TCERG1L: variants seen among roughly 807,000 people sequenced by gnomAD.
The protein encoded by TCERG1L is transcription elongation regulator 1 like.
Under a neutral mutation model 56.3 loss-of-function variants are expected in TCERG1L, and 37 were observed. The ratio of observed to expected loss-of-function variants is 0.66; its 90% CI spans 0.51 to 0.87. TCERG1L has a LOEUF of 0.87. Among genes scored for constraint, TCERG1L ranks in the 40% least tolerant of loss-of-function variants. TCERG1L has a pLI of 0.00. For missense variants in TCERG1L, 799 were observed against 774.2 expected (o/e 1.03, Z -0.38); for synonymous variants, 324 against 326.3 (o/e 0.99, Z 0.08).
At chr10:131,109,713 C>T (rs1845391825) in intron 9 of TCERG1L, among the ~76,000 whole-genome samples, 1 of 152,150 alleles carries the variant, frequency 6.6e-6, no homozygotes, top group African/African-American at 2.4e-5. Context: ...TGGAGTTGTG[C>T]CCTTTCTTCC....
Position 131,092,727 on chromosome 10 carries a change from A to G in TCERG1L, c.*435T>C, listed in dbSNP as rs1423379647. The G allele has an allele frequency of 6.4e-6, 1 of 156,492 alleles. No homozygotes were observed. The highest frequency in any genetic ancestry group is 2.4e-5 in the African/African-American group (1 of 41,488). 9.7% of individuals were successfully genotyped at this position (156,492 alleles called of 1,614,324 possible). ...AAACGAGACTGAGACCTAGGGACAGAGTAAGGAATTCCTCAACACTGCGGG... is the reference window on the plus strand; with the variant it reads ...AAACGAGACTGAGACCTAGGGACAGGGTAAGGAATTCCTCAACACTGCGGG... On this transcript the variant is annotated 3_prime_UTR_variant, in exon 12 of 12. Coordinates refer to ENST00000368642, the MANE Select transcript of TCERG1L (RefSeq NM_174937.4).
At chr10:131,159,294 A>G (rs1360496781) in intron 6 of TCERG1L, among the ~76,000 whole-genome samples, 1 of 152,112 alleles carries the variant, frequency 6.6e-6, no homozygotes, top group African/African-American at 2.4e-5. Context: ...TGAGATGAAG[A>G]CCAAGGAGGT....
intron 3 of TCERG1L, among the ~76,000 whole-genome samples, chr10:131,281,697 AAGTCCCTATTGG>A (rs1846456565): frequency 6.6e-6 from 1 of 152,134 alleles, no homozygotes; most frequent in Non-Finnish European, 1.5e-5. Context: ...CTCCGTCCTA[AAGTCCCTATTGG>A]GAATTTCGTG....
chr10:131,256,860 G>C (rs961715210), intron 4 of TCERG1L, among the ~76,000 whole-genome samples: 3 of 150,786 alleles, frequency 2.0e-5, no homozygotes, highest in African/African-American at 4.9e-5. Flanking sequence ...CTCTCAGCCT[G>C]GGCGACAGAT....
At chr10:131,276,605 A>G (rs1185537406) in intron 3 of TCERG1L, among the ~76,000 whole-genome samples, 2 of 152,236 alleles carry the variant, frequency 1.3e-5, no homozygotes, top group Non-Finnish European at 2.9e-5. Flanking sequence ...ACAGCGATGC[A>G]ATCAGCCAGC....
chr10:131,241,098 G>C (rs2133520918), intron 4 of TCERG1L, among the ~76,000 whole-genome samples: 1 of 152,294 alleles, frequency 6.6e-6, no homozygotes, highest in Middle Eastern at 3.4e-3. Context: ...AGATGGAGCA[G>C]AGAACTCAGG....
At chr10:131,238,589 AC>A (rs1309552655) in intron 4 of TCERG1L, among the ~76,000 whole-genome samples, 1 of 152,130 alleles carries the variant, frequency 6.6e-6, no homozygotes, top group African/African-American at 2.4e-5. Flanking sequence ...CCTATTGGGA[AC>A]CTTCCTCCAT....
chr10:131,299,251 T>C (rs1358672126), intron 3 of TCERG1L, among the ~76,000 whole-genome samples: 1 of 152,142 alleles, frequency 6.6e-6, no homozygotes, highest in African/African-American at 2.4e-5. Context: ...ATCGTATATT[T>C]GGAACTGAAA....
chr10:131,288,816 G>A (rs1035369884), intron 3 of TCERG1L, among the ~76,000 whole-genome samples: 4 of 152,178 alleles, frequency 2.6e-5, no homozygotes, highest in Admixed American at 2.0e-4. Context: ...TGCCCAGGAA[G>A]GCAAAGGACA....
intron 7 of TCERG1L, among the ~76,000 whole-genome samples, chr10:131,138,197 A>C (rs1845696357): frequency 6.6e-6 from 1 of 152,086 alleles, no homozygotes; most frequent in African/African-American, 2.4e-5. Flanking sequence ...TGAACCCGGG[A>C]GAGTTCAATT....
chr10:131,276,744 T>C (rs1223019780), intron 3 of TCERG1L, among the ~76,000 whole-genome samples: 1 of 152,222 alleles, frequency 6.6e-6, no homozygotes, highest in Non-Finnish European at 1.5e-5. Context: ...GTTCTGTTCC[T>C]GAATCTTCCC....
At chr10:131,148,433 C>T (rs949989237) in intron 6 of TCERG1L, among the ~76,000 whole-genome samples, 24 of 151,926 alleles carry the variant, frequency 1.6e-4, no homozygotes, top group Middle Eastern at 3.4e-3. Flanking sequence ...CAGAGACACA[C>T]ACATGCAGAG....
At chr10:131,185,211 T>C (rs1845222617) in intron 4 of TCERG1L, among the ~76,000 whole-genome samples, 1 of 152,210 alleles carries the variant, frequency 6.6e-6, no homozygotes, top group African/African-American at 2.4e-5. Context: ...TGCATATGGA[T>C]ATATTTTAAT....
At chr10:131,183,815 C>CTA (rs554413507) in intron 4 of TCERG1L, among the ~76,000 whole-genome samples, 38 of 152,326 alleles carry the variant, frequency 2.5e-4, no homozygotes, top group African/African-American at 9.1e-4. Context: ...ACACGTGATG[C>CTA]TAACATTATG....
intron 3 of TCERG1L, among the ~76,000 whole-genome samples, chr10:131,274,925 A>G (rs1846377271): frequency 6.6e-6 from 1 of 152,168 alleles, no homozygotes; most frequent in Non-Finnish European, 1.5e-5. Flanking sequence ...GGCAGGCTCG[A>G]GATCTCAGAA....
chr10:131,116,930 C>T lies in TCERG1L; in HGVS notation c.1264G>A (p.Glu422Lys), dbSNP rs145788961. 43 of 1,608,020 alleles carry T rather than the reference C, an allele frequency of 2.7e-5. No individual in the cohort carries two copies. Among genetic ancestry groups the T allele is most frequent in the Admixed American group, 2.0e-4 (12 of 59,336 alleles). ...TCTGGCTTGGGACTCCCGCAGCCTT[C>T]GGTCCTTCAGGAACACAAGACGCAG... ...QDVKTKRNRT[E>K]GCGSPKPEEA... Residue 422 changes from glutamate (E) to lysine (K), a missense_variant, in exon 9 of 12, where the codon GAA (glutamate) becomes AAA (lysine). Physicochemically the swap from Glu to Lys is moderately conservative, Grantham distance 56. Coordinates refer to ENST00000368642, the MANE Select transcript of TCERG1L (RefSeq NM_174937.4).
intron 3 of TCERG1L, among the ~76,000 whole-genome samples, chr10:131,299,507 G>A (rs914702789): frequency 8.7e-5 from 13 of 150,006 alleles, no homozygotes; most frequent in South Asian, 2.1e-4. Flanking sequence ...TATATCTTTC[G>A]AAGATATATC....
At chr10:131,191,254 A>G (rs1246150863) in intron 4 of TCERG1L, among the ~76,000 whole-genome samples, 2 of 144,340 alleles carry the variant, frequency 1.4e-5, no homozygotes, top group Non-Finnish European at 3.1e-5. Flanking sequence ...ATGAAAACAC[A>G]TCCCATGCTC....
intron 4 of TCERG1L, among the ~76,000 whole-genome samples, chr10:131,182,405 C>A (rs1768566866): frequency 1.3e-5 from 2 of 152,204 alleles, no homozygotes; most frequent in South Asian, 2.1e-4. Flanking sequence ...TAGTAAGCAA[C>A]TAATTTAAAA....
Sources: allele counts gnomAD v4.1 joint callset (sites outside exome capture counted in the v4.1 genomes callset), GRCh38; gene constraint gnomAD v4.1.1; transcripts MANE v1.5; gene names NCBI Gene and HGNC (gene_info 2026-07-23, HGNC 2026-07-21).